MYRIP: variants seen among roughly 807,000 people sequenced by gnomAD.
MYRIP encodes rab effector MyRIP.
In MYRIP, 49 loss-of-function variants were observed where a neutral mutation model predicts 98.0. The ratio of observed to expected loss-of-function variants is 0.50; its 90% CI spans 0.40 to 0.63. The LOEUF (loss-of-function observed/expected upper bound fraction) is 0.63. Among genes scored for constraint, MYRIP ranks in the 30% least tolerant of loss-of-function variants. The pLI is 0.00. For synonymous variants in MYRIP, 404 were observed against 409.5 expected (o/e 0.99, Z 0.16); for missense variants, 1,004 against 1,058.2 (o/e 0.95, Z 0.71).
chr3:39,966,995 G>A (rs550237825), intron 2 of MYRIP, among the ~76,000 whole-genome samples: 1 of 152,292 alleles, frequency 6.6e-6, no homozygotes, highest in East Asian at 1.9e-4. Flanking sequence ...ATGTGAACCT[G>A]AACAAGCTAT....
intron 1 of MYRIP, among the ~76,000 whole-genome samples, chr3:39,870,068 G>C (rs569078809): frequency 2.8e-4 from 42 of 152,302 alleles, no homozygotes; most frequent in Non-Finnish European, 4.7e-4. Flanking sequence ...CTGCAGGGGG[G>C]TTGCCATGAC....
intron 1 of MYRIP, among the ~76,000 whole-genome samples, chr3:39,841,941 C>T (rs1190289657): frequency 1.3e-5 from 2 of 152,188 alleles, no homozygotes; most frequent in East Asian, 1.9e-4. Flanking sequence ...GAGTCAGGGA[C>T]CCACTTGAGG....
chr3:39,822,075 G>A (rs907201694), intron 1 of MYRIP, among the ~76,000 whole-genome samples: 6 of 152,088 alleles, frequency 3.9e-5, no homozygotes, highest in Non-Finnish European at 8.8e-5. Context: ...TTTTGAAGGT[G>A]CCTTTTAGTT....
At chr3:39,866,909 T>C (rs1304410456) in intron 1 of MYRIP, among the ~76,000 whole-genome samples, 1 of 152,188 alleles carries the variant, frequency 6.6e-6, no homozygotes, top group Non-Finnish European at 1.5e-5. Context: ...AGAGGCATCA[T>C]ACTTCCTGAT....
intron 3 of MYRIP, among the ~76,000 whole-genome samples, chr3:40,087,902 G>A (rs1038790968): frequency 1.3e-5 from 2 of 151,034 alleles, no homozygotes; most frequent in African/African-American, 4.9e-5. Flanking sequence ...CCACTGCTGG[G>A]GCACAAAGAT....
At chr3:40,117,759 G>C (rs1949313983) in intron 3 of MYRIP, among the ~76,000 whole-genome samples, 1 of 152,094 alleles carries the variant, frequency 6.6e-6, no homozygotes, top group South Asian at 2.1e-4. Context: ...AATAACTTTA[G>C]ACTCTTACCC....
At chr3:39,815,171 TCCCTCCACGCA>T (rs1317182877) in intron 1 of MYRIP, among the ~76,000 whole-genome samples, 1 of 152,134 alleles carries the variant, frequency 6.6e-6, no homozygotes, top group Non-Finnish European at 1.5e-5. Context: ...TCAGTTCTTA[TCCCTCCACGCA>T]CCCTGCCACA....
chr3:39,839,888 C>G (rs1941742600), intron 1 of MYRIP, among the ~76,000 whole-genome samples: 1 of 151,930 alleles, frequency 6.6e-6, no homozygotes, highest in Non-Finnish European at 1.5e-5. Flanking sequence ...GTTTTACTTC[C>G]AATTATATGG....
intron 8 of MYRIP, among the ~76,000 whole-genome samples, chr3:40,172,675 C>T (rs1233301401): frequency 6.6e-6 from 1 of 152,204 alleles, no homozygotes; most frequent in Non-Finnish European, 1.5e-5. Flanking sequence ...GAGAGCAGAG[C>T]TGTTGGCATA....
At chr3:39,962,991 G>C (rs1480215276) in intron 2 of MYRIP, among the ~76,000 whole-genome samples, 1 of 152,086 alleles carries the variant, frequency 6.6e-6, no homozygotes, top group East Asian at 1.9e-4. Context: ...ATAAGACAAA[G>C]CAACAGTAAA....
intron 2 of MYRIP, among the ~76,000 whole-genome samples, chr3:39,903,299 A>C (rs1943787717): frequency 6.6e-6 from 1 of 152,228 alleles, no homozygotes; most frequent in East Asian, 1.9e-4. Context: ...GAACTTTGAA[A>C]GTATTTTAGA....
At chr3:39,993,940 C>T (rs1309459082) in intron 2 of MYRIP, among the ~76,000 whole-genome samples, 1 of 152,220 alleles carries the variant, frequency 6.6e-6, no homozygotes, top group Non-Finnish European at 1.5e-5. Context: ...AATCATGTTT[C>T]CACTGCTTTT....
At position 40,084,241 on chromosome 3, in the gene MYRIP, A is replaced by G. The variant is rs893510659; in HGVS notation, c.332+39970A>G. On this transcript the variant is annotated intron_variant, in intron 3 of 16. Coordinates refer to ENST00000302541, the MANE Select transcript of MYRIP (RefSeq NM_015460.4). ...TATATATATTATATATGTAAAATGT[A>G]GAAATATATAATATATAAAATATAT... Among the ~76,000 whole-genome samples, 112 of 146,746 alleles carry G rather than the reference A, an allele frequency of 7.6e-4. 3 individuals are homozygous for G. The Admixed American group carries it at 7.7e-3, about 10-fold the overall frequency.
At chr3:39,972,111 C>T (rs1011274654) in intron 2 of MYRIP, among the ~76,000 whole-genome samples, 1 of 151,986 alleles carries the variant, frequency 6.6e-6, no homozygotes, top group Admixed American at 6.6e-5. Context: ...ATGTTGGCAA[C>T]ATGTTAAACT....
rs968572843 is a variant in MYRIP, at chr3:39,882,134, T to C, written c.-30-18653T>C. On this transcript the variant is annotated intron_variant, in intron 1 of 16. Coordinates refer to ENST00000302541, the MANE Select transcript of MYRIP (RefSeq NM_015460.4). ...CTCCCTTTTTTCTTGTTAGCTTTTT[T>C]TTAGTGAGCTGTAGTATAATGAGTG... 1.7e-4 allele frequency among the ~76,000 whole-genome samples: 26 copies of C among 152,190 alleles called. 1 individual carries two copies. The highest frequency in any genetic ancestry group is 6.6e-4 in the Admixed American group (10 of 15,256).
intron 3 of MYRIP, among the ~76,000 whole-genome samples, chr3:40,068,123 C>T (rs532659534): frequency 6.6e-6 from 1 of 152,240 alleles, no homozygotes; most frequent in South Asian, 2.1e-4. Flanking sequence ...GTACAGATAT[C>T]CTTTGCTTCT....
At chr3:40,226,834 C>T (rs141208252) in intron 11 of MYRIP, among the ~76,000 whole-genome samples, 2 of 152,286 alleles carry the variant, frequency 1.3e-5, no homozygotes, top group African/African-American at 2.4e-5. Flanking sequence ...AGTGGCACCT[C>T]GTTGCCAGCA....
At chr3:39,869,848 G>T (rs1942732228) in intron 1 of MYRIP, among the ~76,000 whole-genome samples, 1 of 152,160 alleles carries the variant, frequency 6.6e-6, no homozygotes, top group Non-Finnish European at 1.5e-5. Context: ...AACAATGTGT[G>T]GCTCCTCATC....
intron 2 of MYRIP, among the ~76,000 whole-genome samples, chr3:39,937,750 A>G (rs1307066517): frequency 6.6e-6 from 1 of 152,218 alleles, no homozygotes; most frequent in Non-Finnish European, 1.5e-5. Flanking sequence ...TTTAACTTTC[A>G]TAACAATAGT....
Sources: allele counts gnomAD v4.1 joint callset (sites outside exome capture counted in the v4.1 genomes callset), GRCh38; gene constraint gnomAD v4.1.1; transcripts MANE v1.5; gene names NCBI Gene and HGNC (gene_info 2026-07-23, HGNC 2026-07-21).